Variants in RP1 observed in about 807,000 individuals in gnomAD.
RP1 encodes the protein oxygen-regulated protein 1.
RP1 carries 16 observed loss-of-function variants against 14.8 expected under a neutral mutation model. The observed-to-expected ratio is 1.08, with a 90% CI of 0.73 to 1.65. The LOEUF (loss-of-function observed/expected upper bound fraction) is 1.65, where lower values mean the gene tolerates loss of function less well. Ranked by LOEUF, RP1 falls within the 40% of genes most tolerant of loss-of-function variation. RP1 has a pLI of 0.00. For missense variants in RP1, 2,631 were observed against 2,535.0 expected (o/e 1.04, Z -0.81); for synonymous variants, 876 against 883.6 (o/e 0.99, Z 0.15).
Position 54,720,190 on chromosome 8 carries a change from G to GT in RP1, c.2273_2274insT (p.Leu759ProfsTer28). On this transcript the variant is annotated frameshift_variant, in exon 16 of 23. Coordinates refer to the RP1 transcript ENST00000636932. LOFTEE classifies it high-confidence loss of function. ...AAGAACTTGAAGAATGCATCCATAA[G>GT]CCTGGAATCTACGAAGAGCCCAGGA... The GT allele has an allele frequency of 6.5e-7, 1 of 1,535,802 alleles. No individual in the cohort carries two copies. Among genetic ancestry groups the GT allele is most frequent in the Non-Finnish European group, 8.7e-7 (1 of 1,146,680 alleles).
chr8:54,689,334 A>C (rs914946078), intron 12 of RP1, among the ~76,000 whole-genome samples: 20 of 152,128 alleles, frequency 1.3e-4, no homozygotes, highest in African/African-American at 3.9e-4. Flanking sequence ...CCCTGGCCAG[A>C]ACTTCCAACA....
chr8:54,866,369 G>A (rs1049088493), intron 28 of RP1, among the ~76,000 whole-genome samples: 1 of 152,114 alleles, frequency 6.6e-6, no homozygotes, highest in Non-Finnish European at 1.5e-5. Flanking sequence ...CTAATGCATT[G>A]TACTAAAGTG....
chr8:54,629,099 A>G lies in RP1; in HGVS notation c.5217A>G (p.Val1739=), dbSNP rs1444932969. ...SRILTDIEEG[V]LIDKGKWLLK... Reference sequence around the variant, plus strand: ...TCCTCACAGACATAGAGGAAGGAGTACTGATTGACAAAGGCAAATGGCTTC... The same window carrying G: ...TCCTCACAGACATAGAGGAAGGAGTGCTGATTGACAAAGGCAAATGGCTTC... The change falls in exon 4 of 4, where the codon GTA becomes GTG. Residue 1739 remains valine, a synonymous_variant. Transcript: ENST00000220676. 3.7e-6 allele frequency: 6 copies of G among 1,614,182 alleles called. No individual in the cohort carries two copies. The South Asian group carries it at 6.6e-5, about 18-fold the overall frequency.
At chr8:54,647,203 G>T (rs1182668763) in intron 3 of RP1, among the ~76,000 whole-genome samples, 1 of 152,046 alleles carries the variant, frequency 6.6e-6, no homozygotes, top group Non-Finnish European at 1.5e-5. Flanking sequence ...ATCATTTGAA[G>T]TCAGGAGTTT....
intron 1 of RP1, among the ~76,000 whole-genome samples, chr8:54,575,423 A>G (rs556361404): frequency 6.6e-6 from 1 of 152,234 alleles, no homozygotes; most frequent in African/African-American, 2.4e-5. Context: ...GGTACATGCT[A>G]GGTATATATA....
intron 6 of RP1, among the ~76,000 whole-genome samples, chr8:54,658,691 G>T (rs1265543830): frequency 1.3e-5 from 2 of 152,148 alleles, no homozygotes; most frequent in Non-Finnish European, 2.9e-5. Flanking sequence ...ATGACCATGG[G>T]TGTGCAAATT....
At chr8:54,620,631 A>C (rs542247042) in intron 1 of RP1, among the ~76,000 whole-genome samples, 1 of 152,318 alleles carries the variant, frequency 6.6e-6, no homozygotes, top group Non-Finnish European at 1.5e-5. Flanking sequence ...CTATGCCAAA[A>C]GATACATCTA....
chr8:54,785,694 C>T (rs891125667), intron 24 of RP1, among the ~76,000 whole-genome samples: 5 of 151,956 alleles, frequency 3.3e-5, no homozygotes, highest in Admixed American at 6.6e-5. Context: ...TATTGACATT[C>T]GATATTATCT....
chr8:54,633,146 C>A (rs1462647931), downstream of RP1, among the ~76,000 whole-genome samples: 3 of 151,940 alleles, frequency 2.0e-5, no homozygotes, highest in Non-Finnish European at 4.4e-5. Flanking sequence ...CAGGCATCCC[C>A]CAAATATTAA....
At chr8:54,669,419 A>C (rs1807093292) in intron 7 of RP1, among the ~76,000 whole-genome samples, 1 of 152,216 alleles carries the variant, frequency 6.6e-6, no homozygotes, top group Admixed American at 6.5e-5. Flanking sequence ...ACACTTTTAC[A>C]ATGTTGGTGG....
At chr8:54,662,188 A>G (rs571219329) in intron 6 of RP1, among the ~76,000 whole-genome samples, 2 of 152,226 alleles carry the variant, frequency 1.3e-5, no homozygotes, top group South Asian at 2.1e-4. Flanking sequence ...TGGGAATTTT[A>G]CATATTATTA....
chr8:54,605,932 T>C (rs1805429337), intron 1 of RP1, among the ~76,000 whole-genome samples: 1 of 115,942 alleles, frequency 8.6e-6, no homozygotes, highest in African/African-American at 4.4e-5. Flanking sequence ...CCTATGTGTG[T>C]CTCTGCACAT....
chr8:54,706,648 A>C, exon 15 of RP1: 1 of 1,536,018 alleles, frequency 6.5e-7, no homozygotes, highest in South Asian at 1.2e-5. Flanking sequence ...GGCCGATGCG[A>C]TGGAACAGTA....
At chr8:54,713,861 T>TA (rs1234474437) in intron 15 of RP1, among the ~76,000 whole-genome samples, 1 of 152,212 alleles carries the variant, frequency 6.6e-6, no homozygotes, top group Non-Finnish European at 1.5e-5. Context: ...TTGAATTTTC[T>TA]AAAAAATGGT....
chr8:54,843,455 G>A (rs1433934218), intron 25 of RP1, among the ~76,000 whole-genome samples: 3 of 152,038 alleles, frequency 2.0e-5, no homozygotes, highest in Admixed American at 1.3e-4. Flanking sequence ...GCCCCAAACC[G>A]CCGCCGTATA....
At chr8:54,745,665 C>A (rs1809205551) in intron 19 of RP1, among the ~76,000 whole-genome samples, 1 of 148,744 alleles carries the variant, frequency 6.7e-6, no homozygotes, top group Non-Finnish European at 1.5e-5. Flanking sequence ...AAAGGCACTG[C>A]TGTTTCTTTT....
rs572222611 is a variant in RP1 at position 54,750,761 on chromosome 8, A to C, written c.2809-4042A>C. ...TCTGTACCTAACAAGAGGATTGTAA[A>C]ATGCACCAATCAGTGCCCTGCACAA... On this transcript the variant is annotated intron_variant, in intron 19 of 22. Coordinates refer to the RP1 transcript ENST00000636932. Among the ~76,000 whole-genome samples the C allele has an allele frequency of 4.6e-5, 7 of 152,272 alleles. No individual in the cohort carries two copies. In the East Asian group the frequency reaches 1.3e-3, roughly 29 times the overall value.
chr8:54,601,338 C>T (rs191419781), intron 1 of RP1, among the ~76,000 whole-genome samples: 5 of 149,914 alleles, frequency 3.3e-5, no homozygotes, highest in Admixed American at 6.7e-5. Flanking sequence ...AACCAAACAC[C>T]GCATATTCTC....
chr8:54,727,840 G>A (rs1585640660), intron 17 of RP1, among the ~76,000 whole-genome samples: 1 of 151,388 alleles, frequency 6.6e-6, no homozygotes, highest in Admixed American at 6.6e-5. Context: ...TGAGATGAAG[G>A]AAATATCCAG....
Sources: gnomAD v4.1 joint callset for allele counts (sites outside exome capture counted in the v4.1 genomes callset) on GRCh38, gnomAD v4.1.1 for gene constraint, MANE v1.5 for transcripts, NCBI Gene and HGNC (gene_info 2026-07-23, HGNC 2026-07-21) for gene names.